The following GPC5 variants were observed in gnomAD, a reference collection of about 807,000 sequenced individuals.
The protein encoded by GPC5 is glypican 5, also known as glypican-5.
In GPC5, 47 loss-of-function variants were observed where a neutral mutation model predicts 53.9. The ratio of observed to expected loss-of-function variants is 0.87; its 90% confidence interval spans 0.69 to 1.11. GPC5 has a LOEUF of 1.11. Among genes scored for constraint, GPC5 ranks in the 50% most tolerant of loss-of-function variants. The probability of loss-of-function intolerance (pLI) is 0.00; values close to 1 mark genes in which losing one functional copy is unlikely to be tolerated. For missense variants in GPC5, 748 were observed against 713.1 expected (o/e 1.05, Z -0.56); for synonymous variants, 286 against 263.3 (o/e 1.09, Z -0.84).
chr13:91,489,541 C>A lies in GPC5; in HGVS notation c.325+40619C>A, dbSNP rs1259635341. 4.6e-5 allele frequency among the ~76,000 whole-genome samples: 7 copies of A among 152,134 alleles called. No homozygotes were observed. The East Asian group carries it at 7.7e-4, about 17-fold the overall frequency. ...TGGTTAAGTTAGGTCCAACAAAATT[C>A]TTTTTACTTTAAAAATTATTTCAGT... On this transcript the variant is annotated intron_variant, in intron 2 of 7. Transcript: ENST00000377067.
At chr13:91,578,773 C>A (rs187696031) in intron 2 of GPC5, among the ~76,000 whole-genome samples, 1 of 151,796 alleles carries the variant, frequency 6.6e-6, no homozygotes, top group Non-Finnish European at 1.5e-5. Context: ...AGGCCGGGTG[C>A]GGTGGCTCGT....
chr13:92,099,564 C>G (rs2041449342), intron 6 of GPC5, among the ~76,000 whole-genome samples: 1 of 152,110 alleles, frequency 6.6e-6, no homozygotes, highest in Non-Finnish European at 1.5e-5. Context: ...CTCTTGTTTT[C>G]TTGATCCTCT....
intron 2 of GPC5, among the ~76,000 whole-genome samples, chr13:91,473,311 G>A (rs1019000450): frequency 5.3e-5 from 8 of 151,942 alleles, no homozygotes; most frequent in Non-Finnish European, 1.0e-4. Flanking sequence ...ACCATATCAA[G>A]GCCCTGTTCC....
intron 5 of GPC5, among the ~76,000 whole-genome samples, chr13:91,897,938 C>T (rs1179020519): frequency 6.6e-6 from 1 of 152,044 alleles, no homozygotes; most frequent in Non-Finnish European, 1.5e-5. Context: ...TACTGTACTT[C>T]AGTGTATTTC....
intron 5 of GPC5, among the ~76,000 whole-genome samples, chr13:91,831,551 T>C (rs1398575718): frequency 1.3e-5 from 2 of 152,060 alleles, no homozygotes; most frequent in African/African-American, 4.8e-5. Context: ...TTGCAAATTT[T>C]CTATAAATTT....
chr13:92,218,902 T>C (rs996044424), intron 7 of GPC5, among the ~76,000 whole-genome samples: 13 of 152,166 alleles, frequency 8.5e-5, no homozygotes, highest in Admixed American at 2.6e-4. Flanking sequence ...TGCTATCTCT[T>C]TGGGGGCAGA....
intron 2 of GPC5, among the ~76,000 whole-genome samples, chr13:91,493,300 A>G (rs1884042307): frequency 6.6e-6 from 1 of 152,234 alleles, no homozygotes; most frequent in Non-Finnish European, 1.5e-5. Context: ...CACATCATGG[A>G]AAATGGGGTA....
At position 91,803,781 on chromosome 13, in the gene GPC5, GACACAC is replaced by G. The variant is rs369314989; in HGVS notation, c.1280+47381_1280+47386del. 4.7e-5 allele frequency among the ~76,000 whole-genome samples: 7 copies of G among 147,542 alleles called. No individual in the cohort carries two copies. The South Asian group carries it at 6.5e-4, about 14-fold the overall frequency. On this transcript the variant is annotated intron_variant, in intron 5 of 7. Coordinates refer to ENST00000377067, the MANE Select transcript of GPC5 (RefSeq NM_004466.6). ...TATAACAGAGACAGACAGACAGACA[GACACAC>G]ACACACACACACACACACAGAGGAA...
intron 6 of GPC5, among the ~76,000 whole-genome samples, chr13:92,106,605 G>T (rs1404319545): frequency 6.6e-6 from 1 of 152,000 alleles, no homozygotes; most frequent in Non-Finnish European, 1.5e-5. Flanking sequence ...AGTTAACAAG[G>T]ATACAAAGCG....
intron 7 of GPC5, among the ~76,000 whole-genome samples, chr13:92,606,400 C>A (rs7981924): frequency 1.3e-5 from 2 of 152,220 alleles, no homozygotes; most frequent in Non-Finnish European, 2.9e-5. Context: ...ATCCATGTCC[C>A]TACAAAGGAC....
intron 3 of GPC5, among the ~76,000 whole-genome samples, chr13:91,712,357 T>C (rs1406828694): frequency 6.6e-6 from 1 of 151,224 alleles, no homozygotes; most frequent in East Asian, 1.9e-4. Flanking sequence ...TGTGTATTTA[T>C]ATATGTGTGT....
Position 91,670,148 on chromosome 13 carries a change from CTGAG to C in GPC5, c.326-23035_326-23032del, listed in dbSNP as rs539196749. 4.6e-5 allele frequency among the ~76,000 whole-genome samples: 7 copies of C among 152,230 alleles called. No individual in the cohort carries two copies. In the East Asian group the frequency reaches 9.6e-4, roughly 21 times the overall value. ...AAGTAGAAGCATATGTTGCCCATTG[CTGAG>C]TGATACAAGGGGACCCTAGATACAG... On this transcript the variant is annotated intron_variant, in intron 2 of 7. Transcript: ENST00000377067.
At chr13:92,757,921 T>C (rs944411401) in intron 7 of GPC5, among the ~76,000 whole-genome samples, 46 of 151,478 alleles carry the variant, frequency 3.0e-4, no homozygotes, top group Non-Finnish European at 5.9e-4. Flanking sequence ...GAAGTCAGTG[T>C]GGCGATTCCT....
At chr13:91,766,244 G>A (rs1320250753) in intron 5 of GPC5, among the ~76,000 whole-genome samples, 8 of 152,196 alleles carry the variant, frequency 5.3e-5, no homozygotes, top group Admixed American at 1.3e-4. Context: ...GGGAGCAAAT[G>A]CATTCTTGAG....
chr13:91,484,780 TC>T (rs1224644207), intron 2 of GPC5, among the ~76,000 whole-genome samples: 1 of 152,160 alleles, frequency 6.6e-6, no homozygotes, highest in Non-Finnish European at 1.5e-5. Context: ...AAGAAAGCCC[TC>T]TAGAAATGGA....
chr13:92,796,675 CTT>C (rs1389534732), intron 7 of GPC5, among the ~76,000 whole-genome samples: 3 of 151,898 alleles, frequency 2.0e-5, no homozygotes, highest in African/African-American at 7.2e-5. Context: ...AATCTACTTA[CTT>C]TGTTTTTTGT....
chr13:92,522,482 G>T (rs1444147347), intron 7 of GPC5, among the ~76,000 whole-genome samples: 1 of 152,062 alleles, frequency 6.6e-6, no homozygotes, highest in African/African-American at 2.4e-5. Context: ...CATGGATGAA[G>T]CTGGAAACCA....
intron 7 of GPC5, among the ~76,000 whole-genome samples, chr13:92,615,984 G>A: frequency 6.6e-6 from 1 of 152,172 alleles, no homozygotes; most frequent in Non-Finnish European, 1.5e-5. Flanking sequence ...AACCCGGGAG[G>A]CAGAGCTGGC....
Position 91,647,070 on chromosome 13 carries a change from C to CGT in GPC5, c.326-46075_326-46074dup, listed in dbSNP as rs66824666. ...ACTTGCTAAGGATAATATATATATG[C>CGT]GTGTGTGTGTGTGTGTGTGTGTGTG... On this transcript the variant is annotated intron_variant, in intron 2 of 7. Coordinates refer to ENST00000377067, the MANE Select transcript of GPC5 (RefSeq NM_004466.6). Among the ~76,000 whole-genome samples, 596 of 144,098 alleles carry CGT rather than the reference C, an allele frequency of 4.1e-3. 2 individuals are homozygous for CGT. Among genetic ancestry groups the CGT allele is most frequent in the Non-Finnish European group, 4.7e-3 (313 of 66,168 alleles). 94.5% of individuals were successfully genotyped at this position (144,098 alleles called of 152,430 possible).
Sources: gnomAD v4.1 joint callset for allele counts (sites outside exome capture counted in the v4.1 genomes callset) on GRCh38, gnomAD v4.1.1 for gene constraint, MANE v1.5 for transcripts, NCBI Gene and HGNC (gene_info 2026-07-23, HGNC 2026-07-21) for gene names.